The following TRPM6 variants were observed in gnomAD, a reference collection of about 807,000 sequenced individuals.
The protein encoded by TRPM6 is transient receptor potential cation channel subfamily M member 6.
In TRPM6, 111 loss-of-function variants were observed where a neutral mutation model predicts 247.6. The ratio of observed to expected loss-of-function variants is 0.45; its 90% CI spans 0.38 to 0.52. The LOEUF (loss-of-function observed/expected upper bound fraction) is 0.52. Ranked by LOEUF, TRPM6 falls within the 20% of genes least tolerant of loss-of-function variation. TRPM6 has a pLI of 0.00. For missense variants in TRPM6, 2,126 were observed against 2,421.5 expected (o/e 0.88, Z 2.56); for synonymous variants, 892 against 853.8 (o/e 1.04, Z -0.78).
intron 24 of TRPM6, among the ~76,000 whole-genome samples, chr9:74,772,969 CAAAA>C (rs936850619): frequency 6.6e-6 from 1 of 151,478 alleles, no homozygotes; most frequent in Non-Finnish European, 1.5e-5. Context: ...AACAAACAAA[CAAAA>C]AAAATTAGCT....
chr9:74,830,385 T>C (rs1201633067), intron 6 of TRPM6, among the ~76,000 whole-genome samples: 2 of 151,736 alleles, frequency 1.3e-5, no homozygotes, highest in Non-Finnish European at 2.9e-5. Flanking sequence ...GGTTTTTTTG[T>C]TTGTTTGTTT....
At chr9:74,808,642 C>G (rs916406278) in intron 13 of TRPM6, among the ~76,000 whole-genome samples, 10 of 152,216 alleles carry the variant, frequency 6.6e-5, no homozygotes. Flanking sequence ...TTAAAGTCTA[C>G]ACTGAATGTG....
At chr9:74,828,298 G>A (rs1004548425) in intron 6 of TRPM6, among the ~76,000 whole-genome samples, 3 of 152,196 alleles carry the variant, frequency 2.0e-5, no homozygotes, top group Admixed American at 2.0e-4. Flanking sequence ...AGAAGTTGCA[G>A]TGAGGTGAGA....
chr9:74,823,708 T>G (rs556565969), intron 7 of TRPM6, among the ~76,000 whole-genome samples: 2 of 152,276 alleles, frequency 1.3e-5, no homozygotes, highest in South Asian at 4.1e-4. Context: ...AGAAGAAAAT[T>G]TCGATTAATA....
intron 7 of TRPM6, among the ~76,000 whole-genome samples, chr9:74,827,476 C>T (rs1020334960): frequency 2.0e-5 from 3 of 151,868 alleles, no homozygotes; most frequent in Non-Finnish European, 2.9e-5. Context: ...AACCCACAGC[C>T]GGAAGAACAC....
At chr9:74,747,831 A>T in intron 31 of TRPM6, 58 bp downstream of exon 31, 15 of 1,377,170 alleles carry the variant, frequency 1.1e-5, no homozygotes, top group Non-Finnish European at 1.5e-5. Context: ...AGGACAGTGA[A>T]CCTCGCATTA....
Position 74,876,591 on chromosome 9 carries a change from C to G in TRPM6, c.33+11233G>C, listed in dbSNP as rs529004495. Among the ~76,000 whole-genome samples the G allele has an allele frequency of 4.6e-5, 7 of 152,300 alleles. No individual in the cohort carries two copies. In the East Asian group the frequency reaches 1.2e-3, roughly 25 times the overall value. On this transcript the variant is annotated intron_variant, in intron 1 of 38. Transcript: ENST00000360774. ...AGTGACACTAGGATTCATATACAGG[C>G]AGTCTGACTTGAGTTCATTCCCTTA...
chr9:74,814,571 C>T (rs527389829), intron 11 of TRPM6, among the ~76,000 whole-genome samples: 4 of 152,060 alleles, frequency 2.6e-5, no homozygotes, highest in Non-Finnish European at 5.9e-5. Flanking sequence ...TAAATATATA[C>T]ACCCACTGTG....
At chr9:74,799,163 G>A (rs1251628731) in intron 17 of TRPM6, among the ~76,000 whole-genome samples, 1 of 151,936 alleles carries the variant, frequency 6.6e-6, no homozygotes, top group Admixed American at 6.6e-5. Context: ...ATCCTTTTTG[G>A]TTGACATTTC....
chr9:74,842,872 T>C (rs1336745066), intron 3 of TRPM6, among the ~76,000 whole-genome samples: 1 of 152,204 alleles, frequency 6.6e-6, no homozygotes. Context: ...CTGATCAGAA[T>C]GGTGGTTGCT....
intron 5 of TRPM6, 21 bp from the exon 6 acceptor site, chr9:74,834,143 A>G: frequency 8.1e-6 from 13 of 1,613,758 alleles, no homozygotes; most frequent in Non-Finnish European, 1.1e-5. Context: ...CCAGTTTAGA[A>G]GTCAAACTTT....
intron 25 of TRPM6, among the ~76,000 whole-genome samples, chr9:74,766,784 C>T (rs1371119480): frequency 3.3e-5 from 5 of 151,846 alleles, no homozygotes; most frequent in Non-Finnish European, 7.4e-5. Context: ...GTGGCAGGCA[C>T]CTGTAATCCC....
rs1049152638 is a variant in TRPM6 at position 74,724,422 on chromosome 9, G to A, written c.*191C>T. On this transcript the variant is annotated 3_prime_UTR_variant, in exon 39 of 39. Coordinates refer to ENST00000360774, the MANE Select transcript of TRPM6 (RefSeq NM_017662.5). Reference sequence around the variant, plus strand: ...GAGGATGGAGCTGCAAAGTGCCCTGGACAGAGGTCAGTGTCTAGGAGAACC... The same window carrying A: ...GAGGATGGAGCTGCAAAGTGCCCTGAACAGAGGTCAGTGTCTAGGAGAACC... 2.7e-5 allele frequency: 20 copies of A among 737,760 alleles called. No individual in the cohort carries two copies. Among genetic ancestry groups the A allele is most frequent in the Non-Finnish European group, 4.3e-5 (19 of 444,092 alleles). 45.7% of individuals were successfully genotyped at this position (737,760 alleles called of 1,614,324 possible).
intron 20 of TRPM6, among the ~76,000 whole-genome samples, chr9:74,786,447 T>A (rs1827670283): frequency 6.6e-6 from 1 of 152,072 alleles, no homozygotes; most frequent in Admixed American, 6.6e-5. Context: ...ATTTTAAAAC[T>A]CAATACTGCA....
chr9:74,887,718 G>A (rs1002005990), intron 1 of TRPM6, 106 bp downstream of exon 1: 4 of 1,612,656 alleles, frequency 2.5e-6, no homozygotes, highest in Non-Finnish European at 3.4e-6. Flanking sequence ...ATCCTCGTTA[G>A]ATGTAGTGTC....
intron 1 of TRPM6, among the ~76,000 whole-genome samples, chr9:74,865,031 C>T (rs868491026): frequency 6.6e-6 from 1 of 150,926 alleles, no homozygotes; most frequent in East Asian, 2.0e-4. Context: ...TGAGATCGTG[C>T]CACTGCACTC....
chr9:74,765,472 T>C (rs996838384), intron 25 of TRPM6, among the ~76,000 whole-genome samples: 5 of 152,214 alleles, frequency 3.3e-5, no homozygotes, highest in Admixed American at 6.5e-5. Flanking sequence ...TTTTTCTTTC[T>C]TTTCTTCCCT....
chr9:74,885,799 C>G (rs1227115015), intron 1 of TRPM6, among the ~76,000 whole-genome samples: 1 of 152,130 alleles, frequency 6.6e-6, no homozygotes, highest in East Asian at 1.9e-4. Flanking sequence ...TGAGGCCAGG[C>G]ACAGTGGCTC....
chr9:74,778,092 A>G (rs540427526), intron 23 of TRPM6, among the ~76,000 whole-genome samples: 31 of 152,326 alleles, frequency 2.0e-4, no homozygotes, highest in Admixed American at 1.8e-3. Flanking sequence ...CAGCTGTCCC[A>G]GTGGAAACTG....
Sources: allele counts gnomAD v4.1 joint callset (sites outside exome capture counted in the v4.1 genomes callset), GRCh38; gene constraint gnomAD v4.1.1; transcripts MANE v1.5; gene names NCBI Gene and HGNC (gene_info 2026-07-23, HGNC 2026-07-21).